The following CAND1 variants were observed in gnomAD, a reference collection of about 807,000 sequenced individuals.
CAND1 encodes the protein cullin-associated NEDD8-dissociated protein 1.
In CAND1, 7 loss-of-function variants were observed where a neutral mutation model predicts 108.5. That is an observed-to-expected ratio of 0.06 (90% CI 0.04 to 0.12). The LOEUF (loss-of-function observed/expected upper bound fraction) is 0.12, where lower values mean the gene tolerates loss of function less well. CAND1 is among the 10% of genes least tolerant of loss of function. The pLI is 1.00. For missense variants in CAND1, 941 were observed against 1,448.7 expected, an observed-to-expected ratio of 0.65 and a Z score of 5.69; for synonymous variants, 534 against 512.0, an observed-to-expected ratio of 1.04 and a Z score of -0.58.
At chr12:67,296,621 G>A (rs1336062692) in intron 4 of CAND1, among the ~76,000 whole-genome samples, 1 of 151,986 alleles carries the variant, frequency 6.6e-6, no homozygotes, top group African/African-American at 2.4e-5. Context: ...TTTTAGTAGA[G>A]GCAGGGTTTT....
chr12:67,306,852 A>G (rs151153124), intron 10 of CAND1, among the ~76,000 whole-genome samples: 4 of 152,282 alleles, frequency 2.6e-5, no homozygotes, highest in East Asian at 1.9e-4. Context: ...TAATGTTACT[A>G]TATTGTGTTA....
intron 1 of CAND1, among the ~76,000 whole-genome samples, chr12:67,279,011 G>GAT (rs1774222408): frequency 6.6e-6 from 1 of 152,040 alleles, no homozygotes; most frequent in Non-Finnish European, 1.5e-5. Flanking sequence ...TACAGTACCT[G>GAT]ATATGTAGTA....
At chr12:67,278,007 A>G in intron 1 of CAND1, among the ~76,000 whole-genome samples, 1 of 152,200 alleles carries the variant, frequency 6.6e-6, no homozygotes, top group East Asian at 1.9e-4. Flanking sequence ...TCTGTAACCC[A>G]GTTGTTTTTC....
chr12:67,300,680 C>G (rs1321682824), intron 7 of CAND1, among the ~76,000 whole-genome samples: 1 of 152,072 alleles, frequency 6.6e-6, no homozygotes, highest in Non-Finnish European at 1.5e-5. Flanking sequence ...TTGATGGTCT[C>G]CTACCTATTA....
Position 67,305,065 on chromosome 12 carries a change from T to A in CAND1, c.1436-39T>A. 6.5e-7 allele frequency: 1 copy of A among 1,543,356 alleles called. No homozygotes were observed. The highest frequency in any genetic ancestry group is 8.8e-7 in the Non-Finnish European group (1 of 1,140,354). On this transcript the variant is annotated intron_variant, in intron 9 of 14. Transcript: ENST00000545606. The surrounding 1 kb of genome is among the most constrained non-coding windows in gnomAD (Gnocchi z 4.4). ...ATTTTTAATTTTTCTTTCTTAAAAG[T>A]CTGCACAGCAATGATTGGATTTTTT...
chr12:67,311,813 A>C lies in CAND1; in HGVS notation c.3468+13A>C. 6.7e-7 allele frequency: 1 copy of C among 1,499,548 alleles called. No homozygotes were observed. Among genetic ancestry groups the C allele is most frequent in the Non-Finnish European group, 9.3e-7 (1 of 1,075,854 alleles). The allele number at this position is 1,499,548 out of a possible 1,614,324, so 92.9% of individuals were successfully genotyped here. On this transcript the variant is annotated intron_variant, in intron 14 of 14. Transcript: ENST00000545606. ...ATGTACAACTAAGGTAAGAAATGAT[A>C]AGTATCAACCTAGGTCAGACTTGGT... is the stretch of plus-strand genomic sequence containing the variant.
chr12:67,284,104 A>G (rs2044645761), intron 2 of CAND1, among the ~76,000 whole-genome samples: 1 of 152,166 alleles, frequency 6.6e-6, no homozygotes, highest in Non-Finnish European at 1.5e-5. Flanking sequence ...CAAAGAATTC[A>G]TCACCCAAAA....
intron 2 of CAND1, among the ~76,000 whole-genome samples, chr12:67,291,642 TA>T (rs529272535): frequency 2.0e-4 from 30 of 152,222 alleles, no homozygotes; most frequent in Non-Finnish European, 4.0e-4. Flanking sequence ...TTTTATATGA[TA>T]TTTTTAGTAA....
chr12:67,291,759 C>T (rs1344784805), intron 2 of CAND1, among the ~76,000 whole-genome samples: 2 of 152,162 alleles, frequency 1.3e-5, no homozygotes, highest in Non-Finnish European at 2.9e-5. Context: ...TCCACCATGG[C>T]ACTCAAAGGG....
Position 67,297,477 on chromosome 12 carries a change from A to G in CAND1, c.562A>G (p.Arg188Gly). Residue 188 changes from arginine to glycine, a missense_variant, in exon 5 of 15, where the codon AGA becomes GGA. Transcript: ENST00000545606. ...TCTACTTCCCCAGTTGACCAGCCCTAGACTTGCAGTGAGGAAAAGAACCAT... is the reference window on the plus strand; with the variant it reads ...TCTACTTCCCCAGTTGACCAGCCCTGGACTTGCAGTGAGGAAAAGAACCAT... ...TCLLPQLTSPRLAVRKRTIIA... is the reference protein window; with the variant it reads ...TCLLPQLTSPGLAVRKRTIIA... 3 of 1,614,056 alleles carry G rather than the reference A, an allele frequency of 1.9e-6. No individual in the cohort carries two copies. Among genetic ancestry groups the G allele is most frequent in the Non-Finnish European group, 2.5e-6 (3 of 1,179,970 alleles).
At chr12:67,282,229 C>G in intron 2 of CAND1, 176 bp downstream of exon 2, 1 of 552,600 alleles carries the variant, frequency 1.8e-6, no homozygotes, top group Non-Finnish European at 3.1e-6. Context: ...TAGTGTATTT[C>G]CTTACAGCAT....
chr12:67,285,039 TAGTAGCTTTTCATATAAGCTTTTGATA>T (rs1565717736), intron 2 of CAND1, among the ~76,000 whole-genome samples: 1 of 152,150 alleles, frequency 6.6e-6, no homozygotes, highest in Non-Finnish European at 1.5e-5. Context: ...TTTACAAAGT[TAGTAGCTTTTCATATAAGCTTTTGATA>T]AGTAGCTTTT....
In CAND1 at chr12:67,269,484, G is replaced by A; in HGVS notation, c.-234G>A. The A allele has an allele frequency of 1.9e-6, 1 of 520,676 alleles. No homozygotes were observed. Among genetic ancestry groups the A allele is most frequent in the Admixed American group, 4.2e-5 (1 of 23,942 alleles). 32.3% of individuals were successfully genotyped at this position (520,676 alleles called of 1,614,324 possible). A position where few individuals can be genotyped will look rare whatever the true frequency, so the allele number is the denominator to read the frequency against. The stretch of plus-strand genomic sequence containing the variant: ...ATGAGCTCGTTCTCACGCGAACAGC[G>A]CCGTCGTTAGGCTGGCTCTGTAGCC... On this transcript the variant is annotated 5_prime_UTR_variant, in exon 1 of 15. Transcript: ENST00000545606.
chr12:67,304,418 C>A (rs1335540612), intron 8 of CAND1, among the ~76,000 whole-genome samples, 187 bp from the exon 9 acceptor site: 1 of 152,116 alleles, frequency 6.6e-6, no homozygotes, highest in African/African-American at 2.4e-5. Flanking sequence ...AATATAGTTA[C>A]AAGAGAACAT....
At chr12:67,284,318 A>C (rs1488280406) in intron 2 of CAND1, among the ~76,000 whole-genome samples, 1 of 152,148 alleles carries the variant, frequency 6.6e-6, no homozygotes, top group Non-Finnish European at 1.5e-5. Flanking sequence ...GCTTCATTTA[A>C]ATGTTCAAAA....
rs1016901889 is a variant in CAND1, at chr12:67,316,592, G to A, written c.*3762G>A. 1 of 152,102 alleles carries A rather than the reference G, an allele frequency of 6.6e-6. No homozygotes were observed. The highest frequency in any genetic ancestry group is 1.5e-5 in the Non-Finnish European group (1 of 68,016). 9.4% of individuals were successfully genotyped at this position (152,102 alleles called of 1,614,324 possible). A position where few individuals can be genotyped will look rare whatever the true frequency, so the allele number is the denominator to read the frequency against. On this transcript the variant is annotated 3_prime_UTR_variant, in exon 15 of 15. Coordinates refer to ENST00000545606, the MANE Select transcript of CAND1 (RefSeq NM_018448.5). ...TGGACCCTATAATGCCAGTGTGTCA[G>A]GTTTCAGAATGATATTTAGTAGACA...
chr12:67,299,102 C>A lies in CAND1; in HGVS notation c.1000+7C>A. 1 of 1,515,554 alleles carries A rather than the reference C, an allele frequency of 6.6e-7. No individual in the cohort carries two copies. Among genetic ancestry groups the A allele is most frequent in the Admixed American group, 2.1e-5 (1 of 46,808 alleles). 93.9% of individuals were successfully genotyped at this position (1,515,554 alleles called of 1,614,324 possible). ...GGTGATGATGATGATCAAGGTATTGCAAATTAAATAGAATCTTTTGAGTTT... is the reference window on the plus strand; with the variant it reads ...GGTGATGATGATGATCAAGGTATTGAAAATTAAATAGAATCTTTTGAGTTT... On this transcript the variant is annotated splice_region_variant and intron_variant, in intron 7 of 14. Transcript: ENST00000545606.
At chr12:67,281,373 G>A (rs1167361863) in intron 1 of CAND1, among the ~76,000 whole-genome samples, 1 of 152,002 alleles carries the variant, frequency 6.6e-6, no homozygotes, top group Non-Finnish European at 1.5e-5. Context: ...GATACCTAGT[G>A]ATGGGTATTT....
chr12:67,277,207 A>G (rs1297370890), intron 1 of CAND1, among the ~76,000 whole-genome samples: 1 of 152,216 alleles, frequency 6.6e-6, no homozygotes, highest in Non-Finnish European at 1.5e-5. Flanking sequence ...TATTTGTAGT[A>G]TGTTTTGTAA....
Sources: gnomAD v4.1 joint callset for allele counts (sites outside exome capture counted in the v4.1 genomes callset) on GRCh38, gnomAD v4.1.1 for gene constraint, Gnocchi (gnomAD v3.1) non-coding constraint, MANE v1.5 for transcripts, NCBI Gene and HGNC (gene_info 2026-07-23, HGNC 2026-07-21) for gene names.